Variants in MRTFA observed in about 807,000 individuals in gnomAD.
MRTFA encodes the protein myocardin-related transcription factor A.
A neutral mutation model predicts 83.5 loss-of-function variants in MRTFA; 20 were observed. The observed-to-expected ratio is 0.24, with a 90% CI of 0.17 to 0.35. The LOEUF (loss-of-function observed/expected upper bound fraction) is 0.35. Ranked by LOEUF, MRTFA falls within the 10% of genes least tolerant of loss-of-function variation. The probability of loss-of-function intolerance (pLI) is 1.00; values close to 1 mark genes in which losing one functional copy is unlikely to be tolerated. For missense variants in MRTFA, 1,200 were observed against 1,224.7 expected (o/e 0.98, Z 0.30); for synonymous variants, 659 against 541.2 (o/e 1.22, Z -3.02).
At chr22:40,488,686 A>T (rs1022900765) in intron 3 of MRTFA, among the ~76,000 whole-genome samples, 1 of 152,132 alleles carries the variant, frequency 6.6e-6, no homozygotes, top group Admixed American at 6.5e-5. Flanking sequence ...ACGAAAAATT[A>T]GCCAGGCATG....
At chr22:40,506,547 C>T (rs1050982515) in intron 3 of MRTFA, among the ~76,000 whole-genome samples, 8 of 152,192 alleles carry the variant, frequency 5.3e-5, no homozygotes, top group African/African-American at 1.9e-4. Flanking sequence ...ATCTACGTCT[C>T]ACTGGCATTT....
At chr22:40,423,008 C>G (rs2052874178) in intron 9 of MRTFA, among the ~76,000 whole-genome samples, 1 of 152,174 alleles carries the variant, frequency 6.6e-6, no homozygotes, top group Admixed American at 6.5e-5. Context: ...GCAGGGAGGA[C>G]TCTGCATGAG....
chr22:40,624,434 A>AG (rs1453987409), intron 1 of MRTFA, among the ~76,000 whole-genome samples: 1 of 151,898 alleles, frequency 6.6e-6, no homozygotes, highest in African/African-American at 2.4e-5. Context: ...TCAAAAAAAA[A>AG]AAAAAAAAAA....
intron 3 of MRTFA, among the ~76,000 whole-genome samples, chr22:40,547,080 A>G (rs899962404): frequency 5.3e-5 from 8 of 152,016 alleles, no homozygotes; most frequent in Non-Finnish European, 8.8e-5. Context: ...GTGTGAACCC[A>G]GGAGGCGGAG....
intron 4 of MRTFA, among the ~76,000 whole-genome samples, chr22:40,460,618 T>C (rs891205997): frequency 4.6e-5 from 7 of 152,232 alleles, no homozygotes; most frequent in Admixed American, 4.6e-4. Context: ...GTATATGATG[T>C]CCTTGGTGAA....
chr22:40,460,335 G>T (rs1319578229), intron 4 of MRTFA, among the ~76,000 whole-genome samples: 1 of 152,158 alleles, frequency 6.6e-6, no homozygotes, highest in East Asian at 1.9e-4. Flanking sequence ...AGGAAAGACA[G>T]GAAAAAGAAA....
At chr22:40,464,682 T>C (rs1412461067) in intron 3 of MRTFA, among the ~76,000 whole-genome samples, 2 of 152,100 alleles carry the variant, frequency 1.3e-5, no homozygotes, top group African/African-American at 4.8e-5. Flanking sequence ...TGCCTTTTTC[T>C]ATCCACAGAG....
intron 1 of MRTFA, among the ~76,000 whole-genome samples, chr22:40,598,916 G>A (rs571492067): frequency 2.9e-4 from 44 of 150,886 alleles, no homozygotes; most frequent in African/African-American, 9.5e-4. Context: ...GCTTGAACCC[G>A]GGAGGCAGAG....
At chr22:40,566,069 C>A (rs547690605) in intron 2 of MRTFA, among the ~76,000 whole-genome samples, 9 of 152,162 alleles carry the variant, frequency 5.9e-5, no homozygotes, top group African/African-American at 2.2e-4. Flanking sequence ...ACAGCATATG[C>A]AAGTTAAAAA....
chr22:40,622,462 C>T lies in MRTFA; in HGVS notation c.-84+14016G>A, dbSNP rs149207172. Among the ~76,000 whole-genome samples the T allele has an allele frequency of 4.3e-3, 613 of 140,968 alleles. 6 individuals are homozygous for T. The highest frequency in any genetic ancestry group is 0.015 in the African/African-American group (594 of 38,822). 92.5% of individuals were successfully genotyped at this position (140,968 alleles called of 152,430 possible). A position where few individuals can be genotyped will look rare whatever the true frequency, so the allele number is the denominator to read the frequency against. On this transcript the variant is annotated intron_variant, in intron 1 of 14. Transcript: ENST00000355630. The stretch of plus-strand genomic sequence containing the variant: ...TGCCACTACACTCCAGCCTGGGTGA[C>T]AGAGCGAGACTCCCATCTCAAAAAA...
intron 4 of MRTFA, among the ~76,000 whole-genome samples, chr22:40,436,596 C>T (rs1452410133): frequency 6.6e-6 from 1 of 152,164 alleles, no homozygotes; most frequent in Non-Finnish European, 1.5e-5. Flanking sequence ...CAAGAGCCTC[C>T]AGAAAGGCTG....
chr22:40,487,407 T>C (rs1181494122), intron 3 of MRTFA, among the ~76,000 whole-genome samples: 3 of 152,216 alleles, frequency 2.0e-5, no homozygotes, highest in Non-Finnish European at 2.9e-5. Context: ...TTAGTCATTA[T>C]ACCCACTACT....
chr22:40,464,050 C>T (rs1346101750), intron 3 of MRTFA, among the ~76,000 whole-genome samples: 2 of 151,930 alleles, frequency 1.3e-5, no homozygotes, highest in Non-Finnish European at 2.9e-5. Flanking sequence ...TACATGTAAT[C>T]CCAGCACTTT....
intron 1 of MRTFA, among the ~76,000 whole-genome samples, chr22:40,597,510 T>C (rs1008264646): frequency 2.0e-5 from 3 of 152,212 alleles, no homozygotes; most frequent in African/African-American, 7.2e-5. Context: ...GCTTTGTATG[T>C]AGAGTAGCTA....
At chr22:40,539,435 G>T (rs1047661318) in intron 3 of MRTFA, among the ~76,000 whole-genome samples, 2 of 150,928 alleles carry the variant, frequency 1.3e-5, no homozygotes, top group Non-Finnish European at 3.0e-5. Flanking sequence ...CACCTCCTGG[G>T]TTCAAGCGAT....
At chr22:40,635,928 C>G (rs988439430) in intron 1 of MRTFA, among the ~76,000 whole-genome samples, 5 of 152,170 alleles carry the variant, frequency 3.3e-5, no homozygotes, top group African/African-American at 1.2e-4. Context: ...GGAGGGTGGA[C>G]TGCATCAGCG....
chr22:40,524,745 T>C (rs931287834), intron 3 of MRTFA, among the ~76,000 whole-genome samples: 2 of 152,208 alleles, frequency 1.3e-5, no homozygotes, highest in Non-Finnish European at 2.9e-5. Flanking sequence ...CTCTTTTAAC[T>C]GTACCTACCT....
intron 4 of MRTFA, among the ~76,000 whole-genome samples, chr22:40,450,584 T>A (rs1369637158): frequency 6.6e-6 from 1 of 151,784 alleles, no homozygotes; most frequent in Non-Finnish European, 1.5e-5. Context: ...GCCTCCCAAG[T>A]AGCTGGGATT....
chr22:40,489,324 T>C (rs914335910), intron 3 of MRTFA, among the ~76,000 whole-genome samples: 2 of 152,028 alleles, frequency 1.3e-5, no homozygotes, highest in Admixed American at 6.6e-5. Context: ...AAATAATGTG[T>C]ATCTGTAGAA....
Sources: allele counts gnomAD v4.1 joint callset (sites outside exome capture counted in the v4.1 genomes callset), GRCh38; gene constraint gnomAD v4.1.1; transcripts MANE v1.5; gene names NCBI Gene and HGNC (gene_info 2026-07-23, HGNC 2026-07-21).